The following SHTN1 variants were observed in gnomAD, a reference collection of about 807,000 sequenced individuals.
SHTN1 encodes shootin-1.
Under a neutral mutation model 83.1 loss-of-function variants are expected in SHTN1, and 42 were observed. That is an observed-to-expected ratio of 0.51 (90% CI 0.39 to 0.65). The LOEUF (loss-of-function observed/expected upper bound fraction) is 0.65. Among genes scored for constraint, SHTN1 ranks in the 30% least tolerant of loss-of-function variants. The pLI is 0.00. For synonymous variants in SHTN1, 224 were observed against 247.7 expected (o/e 0.90, Z 0.90); for missense variants, 622 against 737.8 (o/e 0.84, Z 1.82).
intron 1 of SHTN1, among the ~76,000 whole-genome samples, chr10:117,062,944 G>T (rs193109210): frequency 6.6e-6 from 1 of 152,186 alleles, no homozygotes; most frequent in Admixed American, 6.5e-5. Flanking sequence ...GAACTCAGAC[G>T]GTACCTACAG....
In SHTN1 at chr10:117,065,727, TGAAAGAAAGAAAGAAAGAAA is replaced by T. The variant is rs869310024; in HGVS notation, c.-188-17237_-188-17218del. On this transcript the variant is annotated intron_variant, in intron 1 of 17. Transcript: ENST00000392901. ...AGCGAGAGAGAGAGAGAGAGAGAGA[TGAAAGAAAGAAAGAAAGAAA>T]GAAAGAAAGAAAGAAAGAAAGAAAG... 6.3e-3 allele frequency among the ~76,000 whole-genome samples: 75 copies of T among 11,988 alleles called. 4 individuals are homozygous for T. Among genetic ancestry groups the T allele is most frequent in the Admixed American group, 0.026 (26 of 1,008 alleles). The allele number at this position is 11,988 out of a possible 152,430, so 7.9% of individuals were successfully genotyped here. A position where few individuals can be genotyped will look rare whatever the true frequency, so the allele number is the denominator to read the frequency against.
At chr10:117,052,250 G>A (rs1852756204) in intron 1 of SHTN1, among the ~76,000 whole-genome samples, 1 of 151,586 alleles carries the variant, frequency 6.6e-6, no homozygotes, top group South Asian at 2.1e-4. Context: ...TACTAAAAAT[G>A]ATAAAACATT....
chr10:117,107,986 T>C (rs1446242509), intron 1 of SHTN1, among the ~76,000 whole-genome samples: 2 of 152,206 alleles, frequency 1.3e-5, no homozygotes, highest in Non-Finnish European at 2.9e-5. Context: ...CCACTGCACC[T>C]GGCCTATTAA....
At chr10:116,938,732 C>T (rs1270142160) in intron 9 of SHTN1, among the ~76,000 whole-genome samples, 1 of 152,176 alleles carries the variant, frequency 6.6e-6, no homozygotes, top group Non-Finnish European at 1.5e-5. Context: ...AGTCGGCAGG[C>T]AGGAACGTTT....
At chr10:117,002,173 G>A (rs972462411) in intron 1 of SHTN1, among the ~76,000 whole-genome samples, 1 of 152,168 alleles carries the variant, frequency 6.6e-6, no homozygotes. Context: ...GTAAATGTCC[G>A]TGCCCTCTAA....
chr10:117,093,496 C>T (rs1332191543), intron 1 of SHTN1, among the ~76,000 whole-genome samples: 9 of 152,074 alleles, frequency 5.9e-5, no homozygotes, highest in Non-Finnish European at 7.4e-5. Context: ...GCTGGGGTGA[C>T]AGAGAAAGAT....
At chr10:116,894,335 T>C (rs1311460089) in intron 16 of SHTN1, among the ~76,000 whole-genome samples, 4 of 152,202 alleles carry the variant, frequency 2.6e-5, no homozygotes, top group East Asian at 1.9e-4. Flanking sequence ...AGTCTTATAA[T>C]TGCCACATGG....
intron 1 of SHTN1, among the ~76,000 whole-genome samples, chr10:117,111,198 A>G (rs1853762917): frequency 6.6e-6 from 1 of 151,922 alleles, no homozygotes; most frequent in Non-Finnish European, 1.5e-5. Flanking sequence ...GCCCTGTCTC[A>G]AAAAAACAGA....
intron 2 of SHTN1, among the ~76,000 whole-genome samples, chr10:117,037,794 T>C (rs1852520759): frequency 6.6e-6 from 1 of 151,786 alleles, no homozygotes; most frequent in Non-Finnish European, 1.5e-5. Flanking sequence ...GATCACAAGA[T>C]CAGGAGTTCG....
intron 2 of SHTN1, among the ~76,000 whole-genome samples, chr10:116,978,173 T>A: frequency 6.6e-6 from 1 of 152,184 alleles, no homozygotes; most frequent in East Asian, 1.9e-4. Context: ...TTACCATTAA[T>A]ATCACCATCC....
chr10:116,932,461 T>TC (rs1304254590), intron 9 of SHTN1, among the ~76,000 whole-genome samples: 1 of 151,912 alleles, frequency 6.6e-6, no homozygotes, highest in Non-Finnish European at 1.5e-5. Flanking sequence ...CCCAAAACCA[T>TC]CCCCCACCCT....
At chr10:116,958,677 CA>C (rs34348857) in intron 4 of SHTN1, among the ~76,000 whole-genome samples, 91,433 of 151,910 alleles carry the variant, frequency 0.6, 30,135 homozygotes, top group Middle Eastern at 0.76. Flanking sequence ...TTCTCTTGCC[CA>C]AAAACACCTA....
intron 11 of SHTN1, among the ~76,000 whole-genome samples, chr10:116,926,888 C>G (rs1378290851): frequency 6.6e-6 from 1 of 152,142 alleles, no homozygotes; most frequent in Non-Finnish European, 1.5e-5. Flanking sequence ...AAATTTGACT[C>G]TAAATCTCCT....
At chr10:117,112,816 C>G (rs7896704) in intron 1 of SHTN1, among the ~76,000 whole-genome samples, 1 of 152,178 alleles carries the variant, frequency 6.6e-6, no homozygotes, top group African/African-American at 2.4e-5. Flanking sequence ...ACGAAGAGCT[C>G]TAATTGCAGG....
chr10:117,079,808 T>C (rs1290168664), intron 1 of SHTN1, among the ~76,000 whole-genome samples: 2 of 147,914 alleles, frequency 1.4e-5, no homozygotes, highest in African/African-American at 2.5e-5. Flanking sequence ...CACTTTTTCA[T>C]GTGTTTTTTG....
chr10:116,991,259 G>A (rs1176474374), intron 1 of SHTN1, among the ~76,000 whole-genome samples: 4 of 152,270 alleles, frequency 2.6e-5, no homozygotes, highest in South Asian at 4.1e-4. Context: ...TGAGTCACTC[G>A]TAATATATAA....
In SHTN1 at chr10:116,882,995, C is replaced by A. The variant is rs1847064418; in HGVS notation, c.*3349G>T. 6.6e-6 allele frequency: 1 copy of A among 151,890 alleles called. No individual in the cohort carries two copies. Among genetic ancestry groups the A allele is most frequent in the African/African-American group, 2.4e-5 (1 of 41,372 alleles). 9.4% of individuals were successfully genotyped at this position (151,890 alleles called of 1,614,324 possible). On this transcript the variant is annotated 3_prime_UTR_variant, in exon 17 of 17. Transcript: ENST00000355371. ...ACACACACACACACACACACACACA[C>A]ACACATCATGAGACTATGCCCTGGA...
At chr10:116,938,419 C>T (rs1321643111) in intron 9 of SHTN1, among the ~76,000 whole-genome samples, 1 of 152,194 alleles carries the variant, frequency 6.6e-6, no homozygotes, top group South Asian at 2.1e-4. Context: ...AGCAGTCAGG[C>T]CCCGCTACTG....
chr10:116,987,907 G>C (rs577360560), intron 1 of SHTN1, among the ~76,000 whole-genome samples: 1 of 148,738 alleles, frequency 6.7e-6, no homozygotes, highest in Non-Finnish European at 1.5e-5. Flanking sequence ...GCGAGACTCC[G>C]TCTCAAAAAA....
Sources: allele counts gnomAD v4.1 joint callset (sites outside exome capture counted in the v4.1 genomes callset), GRCh38; gene constraint gnomAD v4.1.1; transcripts MANE v1.5; gene names NCBI Gene and HGNC (gene_info 2026-07-23, HGNC 2026-07-21).